Variants in ANKRD28 observed in about 807,000 individuals in gnomAD.
ANKRD28 encodes ankyrin repeat domain 28, also known as serine/threonine-protein phosphatase 6 regulatory ankyrin repeat subunit A.
A neutral mutation model predicts 126.5 loss-of-function variants in ANKRD28; 44 were observed. The observed-to-expected ratio is 0.35, with a 90% CI of 0.27 to 0.45. The LOEUF is 0.45. Ranked by LOEUF, ANKRD28 falls within the 20% of genes least tolerant of loss-of-function variation. The pLI is 1.00. For missense variants in ANKRD28, 1,110 were observed against 1,316.6 expected (o/e 0.84, Z 2.43); for synonymous variants, 442 against 468.5 (o/e 0.94, Z 0.73).
At chr3:15,832,874 T>C (rs1266359780) in intron 1 of ANKRD28, among the ~76,000 whole-genome samples, 1 of 152,226 alleles carries the variant, frequency 6.6e-6, no homozygotes, top group African/African-American at 2.4e-5. Context: ...CTACGGTGAA[T>C]AGCGCTGCAA....
At chr3:15,686,351 G>A in intron 18 of ANKRD28, 42 bp from the exon 19 acceptor site, 4 of 1,421,154 alleles carry the variant, frequency 2.8e-6, no homozygotes, top group South Asian at 2.5e-5. Flanking sequence ...TACATATAAT[G>A]ATAAAATAGA....
At chr3:15,850,227 AG>A (rs2061619941) in intron 1 of ANKRD28, among the ~76,000 whole-genome samples, 2 of 77,766 alleles carry the variant, frequency 2.6e-5, no homozygotes, top group African/African-American at 6.3e-5. Context: ...ATATATATAG[AG>A]AGAGAGAGAG....
intron 5 of ANKRD28, 130 bp from the exon 6 acceptor site, chr3:15,735,627 A>G (rs2074966469): frequency 4.6e-6 from 3 of 648,332 alleles, no homozygotes; most frequent in Non-Finnish European, 7.9e-6. Context: ...AGAAGGAGCT[A>G]GACTAAATAC....
At chr3:15,782,315 G>A (rs2059576356) in intron 2 of ANKRD28, among the ~76,000 whole-genome samples, 2 of 151,814 alleles carry the variant, frequency 1.3e-5, no homozygotes, top group African/African-American at 2.4e-5. Flanking sequence ...AGAATTATTC[G>A]GATATTTTAA....
intron 7 of ANKRD28, 140 bp downstream of exon 7, chr3:15,724,242 T>C (rs900309812): frequency 9.9e-6 from 7 of 705,690 alleles, no homozygotes; most frequent in African/African-American, 1.8e-5. Context: ...CTAGATATTA[T>C]GTAAAGGACT....
At chr3:15,689,800 T>G (rs2125816835) in intron 18 of ANKRD28, 1 of 506,078 alleles carries the variant, frequency 2.0e-6, no homozygotes, top group East Asian at 3.2e-5. Context: ...TTAAGTTCCC[T>G]GAACACTGGG....
exon 1 of ANKRD28, chr3:15,859,429 G>GCCTCCT: frequency 6.6e-7 from 1 of 1,512,988 alleles, no homozygotes; most frequent in Non-Finnish European, 8.8e-7. Flanking sequence ...GCCCACTCCA[G>GCCTCCT]CCTCCTCCTC....
At chr3:15,829,343 G>A (rs963343283) in intron 1 of ANKRD28, among the ~76,000 whole-genome samples, 2 of 152,060 alleles carry the variant, frequency 1.3e-5, no homozygotes, top group African/African-American at 4.8e-5. Context: ...AGTTATCATG[G>A]TTCAAGTATA....
intron 8 of ANKRD28, among the ~76,000 whole-genome samples, chr3:15,716,364 T>C (rs895342996): frequency 2.6e-5 from 4 of 151,650 alleles, no homozygotes; most frequent in Non-Finnish European, 2.9e-5. Flanking sequence ...TAATCATAGT[T>C]CACTGCAACC....
At position 15,833,532 on chromosome 3, in the gene ANKRD28, AT is replaced by A. The variant is rs1218578490; in HGVS notation, c.27+25844del. ...TATGTACTATATATATATAAAATAT[AT>A]ACATTATTTTTTATATATATAATGT... On this transcript the variant is annotated intron_variant, in intron 1 of 27. Transcript: ENST00000399451. The surrounding 1 kb of genome is among the most constrained non-coding windows in gnomAD (Gnocchi z 4.4). 1.3e-5 allele frequency among the ~76,000 whole-genome samples: 2 copies of A among 148,644 alleles called. No individual in the cohort carries two copies. The highest frequency in any genetic ancestry group is 4.9e-5 in the African/African-American group (2 of 40,872).
At chr3:15,769,977 A>C (rs1165698541) in intron 2 of ANKRD28, among the ~76,000 whole-genome samples, 1 of 151,998 alleles carries the variant, frequency 6.6e-6, no homozygotes, top group Non-Finnish European at 1.5e-5. Flanking sequence ...TGAGCAAGGA[A>C]GAGTACACTG....
rs377500635 is a variant in ANKRD28 at position 15,690,086 on chromosome 3, G to A, written c.1896C>T (p.Leu632=). 64 of 1,612,298 alleles carry A rather than the reference G, an allele frequency of 4.0e-5. 1 individual carries two copies. In the Middle Eastern group the frequency reaches 9.9e-4, roughly 25 times the overall value. The change falls in exon 18 of 28, where the codon CTC becomes CTT. Residue 632 remains leucine (L), a synonymous_variant. Coordinates refer to ENST00000683139, the MANE Select transcript of ANKRD28 (RefSeq NM_001349278.2). ...CTAAGATTGAGGCTCCCTGATTAATGAGTACATCCACACATTCAACATGGC... is the reference window on the plus strand; with the variant it reads ...CTAAGATTGAGGCTCCCTGATTAATAAGTACATCCACACATTCAACATGGC... ...FKGHVECVDV[L]INQGASILVK...
rs144713063 is a variant in ANKRD28 at position 15,835,571 on chromosome 3, T to A, written c.27+23806A>T. On this transcript the variant is annotated intron_variant, in intron 1 of 27. Transcript: ENST00000399451. ...TCACATCTGAGGACAGAACTCTGTA[T>A]AAAAGTTTCCAATGGTTGCCCCCAC... 1.6e-4 allele frequency among the ~76,000 whole-genome samples: 25 copies of A among 152,322 alleles called. No homozygotes were observed. In the East Asian group the frequency reaches 4.0e-3, roughly 25 times the overall value.
At chr3:15,780,069 A>G (rs79189211) in intron 2 of ANKRD28, among the ~76,000 whole-genome samples, 1,905 of 152,300 alleles carry the variant, frequency 0.013, 23 homozygotes, top group Non-Finnish European at 0.017. Flanking sequence ...TGCAAGTCCT[A>G]GCCAGAACAA....
intron 18 of ANKRD28, among the ~76,000 whole-genome samples, chr3:15,689,247 C>T (rs1324505484): frequency 6.6e-6 from 1 of 152,166 alleles, no homozygotes; most frequent in East Asian, 1.9e-4. Context: ...AGAGATAAGT[C>T]CAGGCTGTAG....
Position 15,753,039 on chromosome 3 carries a change from T to C in ANKRD28, c.281-1219A>G, listed in dbSNP as rs534400993. Among the ~76,000 whole-genome samples the C allele has an allele frequency of 1.1e-4, 17 of 152,140 alleles. 1 individual carries two copies. The highest frequency in any genetic ancestry group is 8.3e-4 in the South Asian group (4 of 4,808). On this transcript the variant is annotated intron_variant, in intron 3 of 27. Coordinates refer to ENST00000683139, the MANE Select transcript of ANKRD28 (RefSeq NM_001349278.2). ...GAGGTGTAAGAAACATCCACAAATG[T>C]AGTAGTTGAGATGCTGAGAGTAGCT...
intron 3 of ANKRD28, among the ~76,000 whole-genome samples, chr3:15,760,543 A>T (rs559282734): frequency 6.6e-6 from 1 of 152,330 alleles, no homozygotes; most frequent in Admixed American, 6.5e-5. Context: ...AAATATACAG[A>T]GTAGAGTAAA....
chr3:15,851,684 A>G (rs929770535), intron 1 of ANKRD28, among the ~76,000 whole-genome samples: 1 of 152,228 alleles, frequency 6.6e-6, no homozygotes, highest in Non-Finnish European at 1.5e-5. Context: ...GAATGCTCAT[A>G]CGCTGCTGGG....
At chr3:15,800,893 G>A (rs142767146), upstream of ANKRD28, among the ~76,000 whole-genome samples, 75 of 152,144 alleles carry the variant, frequency 4.9e-4, 1 homozygote, top group Non-Finnish European at 6.0e-4. Context: ...GCACTGTTTT[G>A]TGTCTTCTTC....
Sources: allele counts gnomAD v4.1 joint callset (sites outside exome capture counted in the v4.1 genomes callset), GRCh38; gene constraint gnomAD v4.1.1; non-coding constraint Gnocchi (gnomAD v3.1); transcripts MANE v1.5; gene names NCBI Gene and HGNC (gene_info 2026-07-23, HGNC 2026-07-21).